RARB: variants seen among roughly 807,000 people sequenced by gnomAD.
RARB encodes retinoic acid receptor beta, also known as HBV-activated protein.
In RARB, 17 loss-of-function variants were observed where a neutral mutation model predicts 51.9. The ratio of observed to expected loss-of-function variants is 0.33; its 90% CI spans 0.22 to 0.49. RARB has a LOEUF of 0.49. Ranked by LOEUF, RARB falls within the 20% of genes least tolerant of loss-of-function variation. RARB has a pLI of 0.99. For missense variants in RARB, 369 were observed against 550.8 expected, an observed-to-expected ratio of 0.67 and a Z score of 3.30; for synonymous variants, 215 against 195.4, an observed-to-expected ratio of 1.10 and a Z score of -0.84.
chr3:25,397,760 A>G (rs970689046), intron 5 of RARB, among the ~76,000 whole-genome samples: 2 of 152,148 alleles, frequency 1.3e-5, no homozygotes, highest in Admixed American at 1.3e-4. Flanking sequence ...TTCTTTGTAC[A>G]AATTCAGGTA....
At chr3:25,449,899 A>G (rs935030132) in intron 1 of RARB, among the ~76,000 whole-genome samples, 2 of 151,870 alleles carry the variant, frequency 1.3e-5, no homozygotes, top group Admixed American at 6.6e-5. Flanking sequence ...TTACAGGCGC[A>G]CGCCACCACA....
chr3:24,995,451 C>A (rs969102214), intron 2 of RARB, among the ~76,000 whole-genome samples: 4 of 151,920 alleles, frequency 2.6e-5, no homozygotes, highest in Non-Finnish European at 5.9e-5. Flanking sequence ...AGTTTGGATG[C>A]CCTTCATTTC....
chr3:25,370,100 A>G (rs761446230), intron 5 of RARB, among the ~76,000 whole-genome samples: 15 of 152,190 alleles, frequency 9.9e-5, no homozygotes, highest in Non-Finnish European at 1.3e-4. Flanking sequence ...GTATGCATAT[A>G]TACACACACA....
At chr3:25,143,507 G>A (rs1016383576) in intron 4 of RARB, among the ~76,000 whole-genome samples, 1 of 152,184 alleles carries the variant, frequency 6.6e-6, no homozygotes, top group Admixed American at 6.5e-5. Context: ...TTCCAAAGGT[G>A]TGTGTCACAC....
At chr3:25,592,787 A>G (rs568234685) in intron 5 of RARB, among the ~76,000 whole-genome samples, 2 of 152,170 alleles carry the variant, frequency 1.3e-5, no homozygotes, top group African/African-American at 4.8e-5. Context: ...CTACCTCTTT[A>G]TGGATCTGCC....
rs542439913 is a variant in RARB, at chr3:25,109,273, T to C, written c.-327-22888T>C. On this transcript the variant is annotated intron_variant, in intron 3 of 11. Coordinates refer to the RARB transcript ENST00000383772. ...ATATGATTGAAGATGTTAATTGACT[T>C]AACCTTTGCATTTTTTGGTTTTCAA... Among the ~76,000 whole-genome samples, 99 of 152,086 alleles carry C rather than the reference T, an allele frequency of 6.5e-4. 1 individual carries two copies. The highest frequency in any genetic ancestry group is 3.5e-3 in the Middle Eastern group (1 of 288).
intron 3 of RARB, among the ~76,000 whole-genome samples, chr3:25,550,888 C>T (rs760768208): frequency 6.6e-6 from 1 of 152,152 alleles, no homozygotes; most frequent in African/African-American, 2.4e-5. Context: ...TGGCTTTCAG[C>T]TCTATCCATG....
rs1700236099 is a variant in RARB at position 25,560,710 on chromosome 3, T to C, written c.449-9048T>C. On this transcript the variant is annotated intron_variant, in intron 3 of 7. Transcript: ENST00000330688. ...AAATTCTTTCCTCCCTCCCTCATTTTTTCCTTCCTTGGTTTCTTTCTACCT... is the reference window on the plus strand; with the variant it reads ...AAATTCTTTCCTCCCTCCCTCATTTCTTCCTTCCTTGGTTTCTTTCTACCT... Among the ~76,000 whole-genome samples the C allele has an allele frequency of 3.3e-5, 5 of 152,352 alleles. No individual in the cohort carries two copies. In the South Asian group the frequency reaches 1.0e-3, roughly 32 times the overall value.
At chr3:25,539,166 A>G (rs1253760860) in intron 3 of RARB, among the ~76,000 whole-genome samples, 1 of 152,204 alleles carries the variant, frequency 6.6e-6, no homozygotes, top group Admixed American at 6.5e-5. Flanking sequence ...AACTGCATAG[A>G]ACTTTAAGGT....
At chr3:24,860,508 A>G (rs1702730591) in intron 2 of RARB, among the ~76,000 whole-genome samples, 1 of 152,178 alleles carries the variant, frequency 6.6e-6, no homozygotes, top group African/African-American at 2.4e-5. Context: ...TTGTTTGACC[A>G]TAGCTATTCC....
chr3:25,079,678 A>C (rs1698952061), intron 3 of RARB, among the ~76,000 whole-genome samples: 1 of 152,174 alleles, frequency 6.6e-6, no homozygotes, highest in African/African-American at 2.4e-5. Flanking sequence ...TGTGATGAAT[A>C]ACATTGATTA....
chr3:25,072,973 C>T (rs924414644), intron 3 of RARB, among the ~76,000 whole-genome samples: 3 of 152,114 alleles, frequency 2.0e-5, no homozygotes, highest in South Asian at 2.1e-4. Context: ...GCTGGGATTA[C>T]AGGTGTGAGC....
intron 2 of RARB, among the ~76,000 whole-genome samples, chr3:24,979,522 G>T (rs1696594468): frequency 6.6e-6 from 1 of 151,458 alleles, no homozygotes; most frequent in South Asian, 2.1e-4. Flanking sequence ...GATCTTTGTT[G>T]GTTTAAAATT....
chr3:25,400,250 C>G (rs1182969321), intron 5 of RARB, among the ~76,000 whole-genome samples: 1 of 152,132 alleles, frequency 6.6e-6, no homozygotes, highest in African/African-American at 2.4e-5. Flanking sequence ...CTTTCCCACA[C>G]AAAAGTTACC....
intron 4 of RARB, among the ~76,000 whole-genome samples, chr3:25,159,412 A>AGCCCC (rs1700438015): frequency 7.1e-6 from 1 of 141,748 alleles, no homozygotes; most frequent in African/African-American, 2.7e-5. Flanking sequence ...CAGATGATCC[A>AGCCCC]CCCCCCCCGC....
intron 1 of RARB, among the ~76,000 whole-genome samples, chr3:24,851,218 A>C (rs1181988510): frequency 2.6e-5 from 4 of 152,096 alleles, no homozygotes; most frequent in Admixed American, 1.3e-4. Context: ...GCTTGAGCTC[A>C]GGAGTTTGAG....
At chr3:24,975,866 C>G (rs545817172) in intron 2 of RARB, among the ~76,000 whole-genome samples, 2 of 152,152 alleles carry the variant, frequency 1.3e-5, no homozygotes, top group South Asian at 2.1e-4. Flanking sequence ...GTTTGCTGCA[C>G]CCATCAACTC....
chr3:25,173,429 A>G (rs1039207202), intron 4 of RARB, among the ~76,000 whole-genome samples: 2 of 152,198 alleles, frequency 1.3e-5, no homozygotes, highest in Admixed American at 1.3e-4. Flanking sequence ...CAAATGGGTC[A>G]ACAAATGGAT....
intron 2 of RARB, chr3:25,025,087 T>C (rs575910989): frequency 6.6e-6 from 1 of 152,092 alleles, no homozygotes; most frequent in Non-Finnish European, 1.5e-5. Context: ...AGTACTTGGA[T>C]GGGAGAAAAA....
Sources: allele counts gnomAD v4.1 joint callset (sites outside exome capture counted in the v4.1 genomes callset), GRCh38; gene constraint gnomAD v4.1.1; transcripts MANE v1.5; gene names NCBI Gene and HGNC (gene_info 2026-07-23, HGNC 2026-07-21).